The following RASSF5 variants were observed in gnomAD, a reference collection of about 807,000 sequenced individuals.
RASSF5 encodes ras association domain-containing protein 5.
A neutral mutation model predicts 40.5 loss-of-function variants in RASSF5; 25 were observed. That is an observed-to-expected ratio of 0.62 (90% CI 0.45 to 0.86). The LOEUF (loss-of-function observed/expected upper bound fraction) is 0.86. RASSF5 is among the 40% of genes least tolerant of loss of function. The probability of loss-of-function intolerance (pLI) is 0.00; values close to 1 mark genes in which losing one functional copy is unlikely to be tolerated. For synonymous variants in RASSF5, 246 were observed against 252.4 expected (o/e 0.97, Z 0.24); for missense variants, 521 against 572.8 (o/e 0.91, Z 0.92).
chr1:206,545,456 C>G (rs1297355216), intron 2 of RASSF5, among the ~76,000 whole-genome samples: 2 of 151,262 alleles, frequency 1.3e-5, no homozygotes, highest in South Asian at 4.2e-4. Flanking sequence ...ATCCTCCAGC[C>G]TCAGCCTCCC....
chr1:206,511,497 C>T (rs1213433575), intron 1 of RASSF5, among the ~76,000 whole-genome samples: 1 of 152,200 alleles, frequency 6.6e-6, no homozygotes, highest in African/African-American at 2.4e-5. Flanking sequence ...CTGACTCAAA[C>T]CCTCCTGGAG....
At chr1:206,539,186 C>T (rs1553399057) in intron 2 of RASSF5, among the ~76,000 whole-genome samples, 1 of 152,146 alleles carries the variant, frequency 6.6e-6, no homozygotes, top group African/African-American at 2.4e-5. Context: ...AAATAAGTTT[C>T]GAGTGTTCAC....
intron 2 of RASSF5, among the ~76,000 whole-genome samples, chr1:206,539,110 C>A (rs868921868): frequency 2.0e-5 from 3 of 152,130 alleles, no homozygotes; most frequent in Non-Finnish European, 4.4e-5. Flanking sequence ...TTGATTTAAG[C>A]CTTAATGTGT....
Position 206,585,214 on chromosome 1 carries a change from C to T in RASSF5, c.1023C>T (p.Pro341=). The change falls in exon 5 of 6, where the codon CCC becomes CCT. Residue 341 remains proline (P), a synonymous_variant. Transcript: ENST00000579436. ...AGAAACTCTCCATTGCTGACCGCCC[C>T]CTCTACCTGCGCCTGCTTGCTGGGC... is the stretch of plus-strand genomic sequence containing the variant. ...LFQKLSIADR[P]LYLRLLAGPD... 4 of 1,614,186 alleles carry T rather than the reference C, an allele frequency of 2.5e-6. No homozygotes were observed. The highest frequency in any genetic ancestry group is 3.4e-6 in the Non-Finnish European group (4 of 1,180,018).
At chr1:206,567,030 G>A (rs1668307254) in intron 2 of RASSF5, among the ~76,000 whole-genome samples, 1 of 152,224 alleles carries the variant, frequency 6.6e-6, no homozygotes, top group Non-Finnish European at 1.5e-5. Flanking sequence ...GATTCTGGAT[G>A]TGGAATAAAT....
chr1:206,527,987 G>T (rs1667140292), intron 1 of RASSF5, among the ~76,000 whole-genome samples: 2 of 152,126 alleles, frequency 1.3e-5, no homozygotes, highest in African/African-American at 4.8e-5. Context: ...TCTAAAATAG[G>T]AGTAGATCCA....
intron 5 of RASSF5, 147 bp from the exon 6 acceptor site, chr1:206,586,679 G>A (rs1241506257): frequency 8.9e-6 from 6 of 675,398 alleles, no homozygotes; most frequent in South Asian, 3.8e-5. Context: ...CCCAGGCTTC[G>A]CTGATTCAGT....
chr1:206,583,454 T>A, intron 3 of RASSF5, 75 bp downstream of exon 3: 1 of 990,912 alleles, frequency 1.0e-6, no homozygotes. Flanking sequence ...GCCCTCACTC[T>A]GAATTCTGTG....
rs781884700 is a variant in RASSF5, at chr1:206,583,389, C to T, written c.690+10C>T. 1.1e-5 allele frequency: 17 copies of T among 1,584,924 alleles called. No individual in the cohort carries two copies. Among genetic ancestry groups the T allele is most frequent in the Admixed American group, 5.0e-5 (3 of 59,956 alleles). ...CCTGGGCATGAAACTGGTAAGCGCCCGTCCACCCTCAACCTGGCCCCTGCT... is the reference window on the plus strand; with the variant it reads ...CCTGGGCATGAAACTGGTAAGCGCCTGTCCACCCTCAACCTGGCCCCTGCT... On this transcript the variant is annotated intron_variant, in intron 3 of 5. Transcript: ENST00000579436.
rs997865795 is a variant in RASSF5, at chr1:206,513,374, T to A, written c.457+5315T>A. Among the ~76,000 whole-genome samples, 4 of 152,224 alleles carry A rather than the reference T, an allele frequency of 2.6e-5. No homozygotes were observed. Among genetic ancestry groups the A allele is most frequent in the African/African-American group, 9.6e-5 (4 of 41,460 alleles). The stretch of plus-strand genomic sequence containing the variant: ...ATTCCTCAGATGGCAAGGTGAGTAT[T>A]CTTGGGTGGGTGAGTATTTGTGGGT... On this transcript the variant is annotated intron_variant, in intron 1 of 5. Transcript: ENST00000579436. The surrounding 1 kb of genome is among the most constrained non-coding windows in gnomAD (Gnocchi z 5.0).
chr1:206,518,371 T>C, intron 1 of RASSF5: 1 of 398,706 alleles, frequency 2.5e-6, no homozygotes, highest in Non-Finnish European at 4.4e-6. Flanking sequence ...GAAAAGCTAT[T>C]GATCTCTGGC....
chr1:206,552,422 CAG>C lies in RASSF5; in HGVS notation c.579+14132_579+14133del, dbSNP rs1394940801. 3.3e-5 allele frequency among the ~76,000 whole-genome samples: 5 copies of C among 152,146 alleles called. No individual in the cohort carries two copies. Among genetic ancestry groups the C allele is most frequent in the African/African-American group, 1.2e-4 (5 of 41,428 alleles). The stretch of plus-strand genomic sequence containing the variant: ...GGACATAGGAGGAGGATTTTGACAT[CAG>C]AGGAGAGAATAGCAAGAGCTAAGCC... On this transcript the variant is annotated intron_variant, in intron 2 of 5. Coordinates refer to ENST00000579436, the MANE Select transcript of RASSF5 (RefSeq NM_182663.4). This position sits in a 1 kb window ranked among gnomAD's most constrained non-coding sequence, Gnocchi z 4.1.
At chr1:206,524,123 A>G (rs1667021255) in intron 1 of RASSF5, among the ~76,000 whole-genome samples, 1 of 129,194 alleles carries the variant, frequency 7.7e-6, no homozygotes, top group Non-Finnish European at 1.6e-5. Context: ...TATATATTAT[A>G]GATACCATAT....
intron 2 of RASSF5, chr1:206,557,448 C>A (rs1423267879): frequency 3.5e-6 from 5 of 1,445,040 alleles, no homozygotes; most frequent in African/African-American, 2.9e-5. Context: ...CAGCTCCCGG[C>A]TCGGGGCTCA....
intron 1 of RASSF5, among the ~76,000 whole-genome samples, chr1:206,522,031 AT>A (rs1229930594): frequency 1.7e-4 from 26 of 149,518 alleles, no homozygotes; most frequent in African/African-American, 5.4e-4. Context: ...GTTTTAAATT[AT>A]TTTTTTTTTC....
intron 2 of RASSF5, among the ~76,000 whole-genome samples, chr1:206,546,628 C>T (rs1232853278): frequency 1.3e-5 from 2 of 152,114 alleles, no homozygotes; most frequent in African/African-American, 4.8e-5. Flanking sequence ...TCCCAATAAA[C>T]CCACTGAAAG....
At chr1:206,528,256 A>G (rs1377560157) in intron 1 of RASSF5, among the ~76,000 whole-genome samples, 6 of 152,160 alleles carry the variant, frequency 3.9e-5, no homozygotes, top group Non-Finnish European at 8.8e-5. Context: ...AAAAAAAGAC[A>G]GGGAGATAAT....
At chr1:206,511,717 G>A (rs1666617596) in intron 1 of RASSF5, among the ~76,000 whole-genome samples, 1 of 152,168 alleles carries the variant, frequency 6.6e-6, no homozygotes, top group South Asian at 2.1e-4. Flanking sequence ...CTCGGGGAAG[G>A]GCACCGGGAC....
In RASSF5 at chr1:206,531,620, C is replaced by A. The variant is rs1667239508; in HGVS notation, c.458-6552C>A. Among the ~76,000 whole-genome samples the A allele has an allele frequency of 6.6e-6, 1 of 151,986 alleles. No homozygotes were observed. Among genetic ancestry groups the A allele is most frequent in the Admixed American group, 6.5e-5 (1 of 15,268 alleles). Reference sequence around the variant, plus strand: ...GCCCAGAGGCTCCAGTGGGGCAACACCCAGTGGAAAAATGGGGGATTCTTA... The same window carrying A: ...GCCCAGAGGCTCCAGTGGGGCAACAACCAGTGGAAAAATGGGGGATTCTTA... On this transcript the variant is annotated intron_variant, in intron 1 of 5. Transcript: ENST00000579436. This position sits in a 1 kb window ranked among gnomAD's most constrained non-coding sequence, Gnocchi z 4.7.
Sources: gnomAD v4.1 joint callset for allele counts (sites outside exome capture counted in the v4.1 genomes callset) on GRCh38, gnomAD v4.1.1 for gene constraint, Gnocchi (gnomAD v3.1) non-coding constraint, MANE v1.5 for transcripts, NCBI Gene and HGNC (gene_info 2026-07-23, HGNC 2026-07-21) for gene names.